UNC13C: variants seen among roughly 807,000 people sequenced by gnomAD.
The protein encoded by UNC13C is protein unc-13 homolog C.
Under a neutral mutation model 245.4 loss-of-function variants are expected in UNC13C, and 174 were observed. The ratio of observed to expected loss-of-function variants is 0.71; its 90% CI spans 0.63 to 0.80. UNC13C has a LOEUF of 0.80. Among genes scored for constraint, UNC13C ranks in the 30% least tolerant of loss-of-function variants. UNC13C has a pLI of 0.00. For synonymous variants in UNC13C, 992 were observed against 895.1 expected (o/e 1.11, Z -1.93); for missense variants, 2,829 against 2,602.9 (o/e 1.09, Z -1.89).
Position 54,627,868 on chromosome 15 carries a change from T to TA in UNC13C, c.*760dup, listed in dbSNP as rs1390579871. 2.0e-5 allele frequency: 3 copies of TA among 152,716 alleles called. No homozygotes were observed. The highest frequency in any genetic ancestry group is 7.2e-5 in the African/African-American group (3 of 41,584). The allele number at this position is 152,716 out of a possible 1,614,324, so 9.5% of individuals were successfully genotyped here. A position where few individuals can be genotyped will look rare whatever the true frequency, so the allele number is the denominator to read the frequency against. On this transcript the variant is annotated 3_prime_UTR_variant, in exon 33 of 33. Coordinates refer to ENST00000260323, the MANE Select transcript of UNC13C (RefSeq NM_001080534.3). ...CTTGGCTTTACCATATTTCATTCTT[T>TA]AAAAAGTCATTAATGGTTTAGAAAT...
intron 30 of UNC13C, among the ~76,000 whole-genome samples, chr15:54,617,935 G>T (rs75760454): frequency 0.026 from 3,893 of 152,212 alleles, 74 homozygotes; most frequent in Middle Eastern, 0.065. Flanking sequence ...CAGCAAAGGT[G>T]CATGGGGCCA....
chr15:54,300,345 G>T lies in UNC13C; in HGVS notation c.4240G>T (p.Gly1414Ter). The T allele has an allele frequency of 6.3e-7, 1 of 1,579,836 alleles. No individual in the cohort carries two copies. The highest frequency in any genetic ancestry group is 2.3e-5 in the East Asian group (1 of 43,738). Residue 1414 changes from glycine to a stop codon, truncating the protein, a stop_gained, in exon 13 of 33, where the codon GGA becomes TGA. Transcript: ENST00000260323. LOFTEE classifies it high-confidence loss of function. Reference sequence around the variant, plus strand: ...AGTTGATGAATTTGCTATGCGTTATGGAATTGAATCCATTTATCAAGCTAT... The same window carrying T: ...AGTTGATGAATTTGCTATGCGTTATTGAATTGAATCCATTTATCAAGCTAT... ...EIVDEFAMRY[G>*]IESIYQAMTH... is the part of the protein sequence containing the mutation.
At chr15:54,290,332 G>A (rs1455065928) in intron 10 of UNC13C, among the ~76,000 whole-genome samples, 1 of 152,000 alleles carries the variant, frequency 6.6e-6, no homozygotes, top group African/African-American at 2.4e-5. Context: ...TCAGGGCCTA[G>A]AGAAATGCTC....
Position 54,013,385 on chromosome 15 carries a change from C to T in UNC13C, c.482C>T (p.Ala161Val). 1.2e-6 allele frequency: 2 copies of T among 1,613,872 alleles called. No individual in the cohort carries two copies. The highest frequency in any genetic ancestry group is 1.3e-5 in the African/African-American group (1 of 75,032). The part of the protein sequence containing the change: ...RRNRKSSSSL[A>V]PSEGSSDGER... Reference sequence around the variant, plus strand: ...AACAGAAAGAGTTCAAGCAGCCTTGCACCCTCTGAGGGCAGCTCTGACGGG... The same window carrying T: ...AACAGAAAGAGTTCAAGCAGCCTTGTACCCTCTGAGGGCAGCTCTGACGGG... Residue 161 changes from alanine to valine, a missense_variant, in exon 2 of 33, where the codon GCA (alanine) becomes GTA (valine). By Grantham distance (64) the Ala-to-Val change is moderately conservative. Transcript: ENST00000260323.
At chr15:54,174,929 C>G (rs1047407560) in intron 4 of UNC13C, among the ~76,000 whole-genome samples, 1 of 152,142 alleles carries the variant, frequency 6.6e-6, no homozygotes, top group Non-Finnish European at 1.5e-5. Context: ...TCGGAAGGAA[C>G]CTCACATGAG....
chr15:54,268,720 AACTC>A (rs2036609626), intron 10 of UNC13C, among the ~76,000 whole-genome samples: 2 of 151,798 alleles, frequency 1.3e-5, no homozygotes, highest in South Asian at 4.1e-4. Context: ...TCTTCCTACT[AACTC>A]ATGAATTAGG....
chr15:53,895,804 G>A, the UNC13C span, among the ~76,000 whole-genome samples: 1 of 152,070 alleles, frequency 6.6e-6, no homozygotes, highest in African/African-American at 2.4e-5. Flanking sequence ...TGAAATTGCT[G>A]TTCTTTGAGC....
intron 2 of UNC13C, among the ~76,000 whole-genome samples, chr15:54,024,998 TCAGCTACTTC>T (rs1435771196): frequency 2.0e-5 from 3 of 152,220 alleles, no homozygotes; most frequent in Non-Finnish European, 4.4e-5. Context: ...TTACTGACTC[TCAGCTACTTC>T]CAAATATTAA....
chr15:54,065,353 C>T (rs925939358), intron 2 of UNC13C, among the ~76,000 whole-genome samples: 4 of 152,186 alleles, frequency 2.6e-5, no homozygotes, highest in South Asian at 2.1e-4. Context: ...CTGCATTATA[C>T]GATCTCTGCT....
chr15:54,075,310 A>G (rs1192718541), intron 2 of UNC13C, among the ~76,000 whole-genome samples: 1 of 151,906 alleles, frequency 6.6e-6, no homozygotes, highest in Non-Finnish European at 1.5e-5. Flanking sequence ...ACGGCGAAAC[A>G]CCGTCTCTAC....
chr15:54,081,319 C>T (rs570802469), intron 2 of UNC13C, among the ~76,000 whole-genome samples: 39 of 152,150 alleles, frequency 2.6e-4, no homozygotes, highest in African/African-American at 9.1e-4. Flanking sequence ...GGACAAGAGT[C>T]CAATTTAAGT....
the UNC13C span, among the ~76,000 whole-genome samples, chr15:53,891,192 C>A: frequency 1.3e-5 from 2 of 152,142 alleles, no homozygotes; most frequent in South Asian, 4.2e-4. Context: ...TTTCTTAATC[C>A]TGGGTTCTAA....
At chr15:54,358,828 T>A (rs150541732) in intron 17 of UNC13C, among the ~76,000 whole-genome samples, 94 of 152,150 alleles carry the variant, frequency 6.2e-4, no homozygotes, top group African/African-American at 2.2e-3. Flanking sequence ...CCAATTCCTA[T>A]AGCTAAGACT....
intron 17 of UNC13C, among the ~76,000 whole-genome samples, chr15:54,343,555 G>T (rs1285273103): frequency 6.6e-6 from 1 of 152,096 alleles, no homozygotes; most frequent in Admixed American, 6.6e-5. Context: ...CCATGAATCA[G>T]CCATCCTTTT....
At chr15:54,340,132 A>C (rs549330158) in intron 17 of UNC13C, among the ~76,000 whole-genome samples, 2 of 151,974 alleles carry the variant, frequency 1.3e-5, no homozygotes, top group Admixed American at 6.6e-5. Flanking sequence ...CTTTCTGATA[A>C]GATTTTTTTT....
At chr15:53,902,820 A>C in the UNC13C span, among the ~76,000 whole-genome samples, 1 of 152,190 alleles carries the variant, frequency 6.6e-6, no homozygotes, top group African/African-American at 2.4e-5. Flanking sequence ...TATCAACAAT[A>C]GCAAAAAGGC....
At position 54,459,252 on chromosome 15, in the gene UNC13C, G is replaced by A. The variant is rs138958824; in HGVS notation, c.4934-35356G>A. 1.2e-3 allele frequency among the ~76,000 whole-genome samples: 190 copies of A among 152,300 alleles called. 1 individual carries two copies. The highest frequency in any genetic ancestry group is 4.4e-3 in the African/African-American group (182 of 41,580). On this transcript the variant is annotated intron_variant, in intron 19 of 32. Coordinates refer to ENST00000260323, the MANE Select transcript of UNC13C (RefSeq NM_001080534.3). ...TTCTGACTTGCAGTTTTTCTGCTGAGAAATATACCGTTAATCTGAAATCTA... is the reference window on the plus strand; with the variant it reads ...TTCTGACTTGCAGTTTTTCTGCTGAAAAATATACCGTTAATCTGAAATCTA...
intron 28 of UNC13C, among the ~76,000 whole-genome samples, chr15:54,552,537 T>TA (rs1896822713): frequency 1.2e-5 from 1 of 86,638 alleles, no homozygotes; most frequent in African/African-American, 5.1e-5. Context: ...AATAATATAA[T>TA]TATATATTAT....
chr15:54,499,372 G>A (rs1184732226), intron 20 of UNC13C, among the ~76,000 whole-genome samples: 1 of 152,024 alleles, frequency 6.6e-6, no homozygotes, highest in Non-Finnish European at 1.5e-5. Context: ...CCAACATTGA[G>A]GACTACAGTT....
Sources: gnomAD v4.1 joint callset for allele counts (sites outside exome capture counted in the v4.1 genomes callset) on GRCh38, gnomAD v4.1.1 for gene constraint, MANE v1.5 for transcripts, NCBI Gene and HGNC (gene_info 2026-07-23, HGNC 2026-07-21) for gene names.